The following PPP1R14C variants were observed in gnomAD, a reference collection of about 807,000 sequenced individuals.
PPP1R14C encodes the protein protein phosphatase 1 regulatory inhibitor subunit 14C.
Under a neutral mutation model 20.4 loss-of-function variants are expected in PPP1R14C, and 16 were observed. The observed-to-expected ratio is 0.78, with a 90% CI of 0.53 to 1.19. PPP1R14C has a LOEUF of 1.19. Ranked by LOEUF, PPP1R14C falls within the 50% of genes most tolerant of loss-of-function variation. The pLI, the probability that PPP1R14C is intolerant of heterozygous loss-of-function variation, is 0.00. For missense variants in PPP1R14C, 211 were observed against 220.1 expected (o/e 0.96, Z 0.26); for synonymous variants, 91 against 91.0 (o/e 1.00, Z 0.00).
rs1778535715 is a variant in PPP1R14C at position 150,249,471 on chromosome 6, G to A, written c.*651G>A. The A allele has an allele frequency of 5.0e-6, 2 of 398,494 alleles. No individual in the cohort carries two copies. Among genetic ancestry groups the A allele is most frequent in the African/African-American group, 2.1e-5 (1 of 48,620 alleles). The allele number at this position is 398,494 out of a possible 1,614,324, so 24.7% of individuals were successfully genotyped here. Reference sequence around the variant, plus strand: ...TTTTAATGCACTACACCACAGAAATGTTAAGTTGGTCAAGGGCTTAATTTA... The same window carrying A: ...TTTTAATGCACTACACCACAGAAATATTAAGTTGGTCAAGGGCTTAATTTA... On this transcript the variant is annotated 3_prime_UTR_variant, in exon 4 of 4. Coordinates refer to ENST00000361131, the MANE Select transcript of PPP1R14C (RefSeq NM_030949.3).
At chr6:150,187,550 G>A (rs995107083) in intron 1 of PPP1R14C, among the ~76,000 whole-genome samples, 1 of 152,016 alleles carries the variant, frequency 6.6e-6, no homozygotes, top group African/African-American at 2.4e-5. Context: ...TGTGGTATTT[G>A]GTTTTCTGTT....
At chr6:150,242,224 A>G (rs906845492) in intron 3 of PPP1R14C, among the ~76,000 whole-genome samples, 2 of 151,894 alleles carry the variant, frequency 1.3e-5, no homozygotes, top group African/African-American at 4.8e-5. Context: ...CCAACTCTAC[A>G]TAAACTCTTC....
chr6:150,185,805 G>A lies in PPP1R14C; in HGVS notation c.307-28939G>A, dbSNP rs1218485513. Among the ~76,000 whole-genome samples the A allele has an allele frequency of 6.6e-6, 1 of 152,124 alleles. No homozygotes were observed. Among genetic ancestry groups the A allele is most frequent in the Non-Finnish European group, 1.5e-5 (1 of 68,032 alleles). ...GTGTAGCTTATATTGGCTGATGTAG[G>A]GGTTCTACCCTCACCATCACTCAGG... On this transcript the variant is annotated intron_variant, in intron 1 of 3. Coordinates refer to ENST00000361131, the MANE Select transcript of PPP1R14C (RefSeq NM_030949.3). The surrounding 1 kb of genome is among the most constrained non-coding windows in gnomAD (Gnocchi z 4.1).
intron 3 of PPP1R14C, among the ~76,000 whole-genome samples, chr6:150,228,629 T>G (rs900995480): frequency 6.6e-6 from 1 of 152,200 alleles, no homozygotes; most frequent in African/African-American, 2.4e-5. Context: ...TGATACCACA[T>G]GACTCAAAGC....
At chr6:150,238,843 C>G (rs969925733) in intron 3 of PPP1R14C, among the ~76,000 whole-genome samples, 12 of 152,244 alleles carry the variant, frequency 7.9e-5, no homozygotes, top group African/African-American at 2.9e-4. Context: ...TTGTAATGAA[C>G]TAGAATATCA....
chr6:150,248,863 C>T lies in PPP1R14C; in HGVS notation c.*43C>T. On this transcript the variant is annotated 3_prime_UTR_variant, in exon 4 of 4. Transcript: ENST00000361131. Reference sequence around the variant, plus strand: ...ACTCTCCCAGAGACGAAGAAAGAGTCCTGGGATTTGTACTTCATGAAGACT... The same window carrying T: ...ACTCTCCCAGAGACGAAGAAAGAGTTCTGGGATTTGTACTTCATGAAGACT... 1.5e-6 allele frequency: 2 copies of T among 1,334,874 alleles called. No individual in the cohort carries two copies. Among genetic ancestry groups the T allele is most frequent in the South Asian group, 2.5e-5 (2 of 80,502 alleles). The allele number at this position is 1,334,874 out of a possible 1,614,324, so 82.7% of individuals were successfully genotyped here.
chr6:150,173,115 A>G (rs527732018), intron 1 of PPP1R14C, among the ~76,000 whole-genome samples: 2 of 152,214 alleles, frequency 1.3e-5, no homozygotes, highest in African/African-American at 4.8e-5. Flanking sequence ...GCTTCCTCCA[A>G]TGTTGACATT....
intron 1 of PPP1R14C, among the ~76,000 whole-genome samples, chr6:150,148,656 C>T (rs1777206648): frequency 6.6e-6 from 1 of 152,216 alleles, no homozygotes; most frequent in Non-Finnish European, 1.5e-5. Context: ...TAGAACTCGT[C>T]TTGTGGATTG....
intron 1 of PPP1R14C, among the ~76,000 whole-genome samples, chr6:150,184,846 TTATC>T (rs1216993280): frequency 6.6e-6 from 1 of 152,198 alleles, no homozygotes; most frequent in African/African-American, 2.4e-5. Context: ...ATGAATGAAA[TTATC>T]TATTTGAACA....
intron 1 of PPP1R14C, chr6:150,164,780 T>G (rs1453789963): frequency 6.6e-6 from 1 of 152,272 alleles, no homozygotes; most frequent in Admixed American, 6.5e-5. Context: ...TACCGTAGAT[T>G]GAATGTTTAT....
intron 1 of PPP1R14C, among the ~76,000 whole-genome samples, chr6:150,150,065 T>A (rs1166224831): frequency 2.0e-5 from 3 of 152,218 alleles, no homozygotes; most frequent in African/African-American, 7.2e-5. Context: ...TTTGCTTGAA[T>A]GAATGAAAAA....
chr6:150,175,031 C>T (rs1293027816), intron 1 of PPP1R14C, among the ~76,000 whole-genome samples: 1 of 151,362 alleles, frequency 6.6e-6, no homozygotes, highest in Admixed American at 6.6e-5. Flanking sequence ...AACATATGAT[C>T]AATTGGCTTG....
intron 1 of PPP1R14C, among the ~76,000 whole-genome samples, chr6:150,144,752 C>T (rs928714217): frequency 4.6e-5 from 7 of 152,232 alleles, no homozygotes; most frequent in Admixed American, 2.0e-4. Flanking sequence ...TATAATGAAG[C>T]TTGACTGTAT....
intron 1 of PPP1R14C, among the ~76,000 whole-genome samples, chr6:150,175,698 G>C (rs956294735): frequency 2.6e-5 from 4 of 152,164 alleles, no homozygotes; most frequent in African/African-American, 9.7e-5. Flanking sequence ...CTAGTCAAAG[G>C]CTTAATCATT....
chr6:150,192,551 A>G (rs1777758010), intron 1 of PPP1R14C, among the ~76,000 whole-genome samples: 1 of 152,198 alleles, frequency 6.6e-6, no homozygotes. Flanking sequence ...CAAACAGGCC[A>G]TGGACCAGTA....
At chr6:150,194,914 A>G in intron 1 of PPP1R14C, 1 of 985,492 alleles carries the variant, frequency 1.0e-6, no homozygotes, top group Non-Finnish European at 1.2e-6. Context: ...CAGTTCATAA[A>G]TATGACAGTT....
intron 1 of PPP1R14C, among the ~76,000 whole-genome samples, chr6:150,150,922 C>T (rs1040648637): frequency 2.0e-5 from 3 of 152,156 alleles, no homozygotes; most frequent in Non-Finnish European, 2.9e-5. Flanking sequence ...ATTCCCCCAC[C>T]GCACATGCCG....
chr6:150,166,819 AT>A (rs1435513432), intron 1 of PPP1R14C, among the ~76,000 whole-genome samples: 1 of 152,180 alleles, frequency 6.6e-6, no homozygotes, highest in Non-Finnish European at 1.5e-5. Context: ...ATCATGTCCA[AT>A]TTCATTTTCA....
At chr6:150,198,230 C>T (rs1213751073) in intron 1 of PPP1R14C, among the ~76,000 whole-genome samples, 3 of 148,564 alleles carry the variant, frequency 2.0e-5, no homozygotes, top group East Asian at 4.1e-4. Flanking sequence ...CCTGGATGCC[C>T]GGCTTTGTGT....
Sources: allele counts gnomAD v4.1 joint callset (sites outside exome capture counted in the v4.1 genomes callset), GRCh38; gene constraint gnomAD v4.1.1; non-coding constraint Gnocchi (gnomAD v3.1); transcripts MANE v1.5; gene names NCBI Gene and HGNC (gene_info 2026-07-23, HGNC 2026-07-21).